Variants in SUDS3 observed in about 807,000 individuals in gnomAD.
The protein encoded by SUDS3 is sin3 histone deacetylase corepressor complex component SDS3.
Under a neutral mutation model 53.5 loss-of-function variants are expected in SUDS3, and 23 were observed. The observed-to-expected ratio is 0.43, with a 90% confidence interval of 0.31 to 0.61. SUDS3 has a LOEUF of 0.61. Ranked by LOEUF, SUDS3 falls within the 20% of genes least tolerant of loss-of-function variation. The pLI, the probability that SUDS3 is intolerant of heterozygous loss-of-function variation, is 0.10. For missense variants in SUDS3, 291 were observed against 405.9 expected, an observed-to-expected ratio of 0.72 and a Z score of 2.43; for synonymous variants, 150 against 148.5, an observed-to-expected ratio of 1.01 and a Z score of -0.08.
Position 118,383,991 on chromosome 12 carries a change from G to C in SUDS3, c.213-21G>C. 1.9e-6 allele frequency: 3 copies of C among 1,581,952 alleles called. No individual in the cohort carries two copies. The South Asian group carries it at 3.4e-5, about 18-fold the overall frequency. On this transcript the variant is annotated intron_variant, in intron 2 of 11. Coordinates refer to ENST00000543473, the MANE Select transcript of SUDS3 (RefSeq NM_022491.3). ...GTATTGAATGTTTTTATCTGTTAGT[G>C]TGACTTTTTTTTTTTTATAGGATGT...
At chr12:118,402,237 A>G (rs1566206456) in intron 9 of SUDS3, 1 of 558,192 alleles carries the variant, frequency 1.8e-6, no homozygotes, top group South Asian at 2.6e-5. Flanking sequence ...TTTATCATAA[A>G]AGAGACATTT....
chr12:118,384,723 C>T (rs2046098382), intron 3 of SUDS3, among the ~76,000 whole-genome samples: 1 of 152,096 alleles, frequency 6.6e-6, no homozygotes, highest in African/African-American at 2.4e-5. Flanking sequence ...GTCCCAGCTA[C>T]TCTGGAGGCT....
intron 3 of SUDS3, among the ~76,000 whole-genome samples, chr12:118,385,493 A>G (rs1439253629): frequency 6.6e-6 from 1 of 152,202 alleles, no homozygotes; most frequent in Non-Finnish European, 1.5e-5. Flanking sequence ...CATTATAATC[A>G]GGAAACACTT....
At chr12:118,397,363 G>A (rs372199569) in intron 6 of SUDS3, among the ~76,000 whole-genome samples, 4 of 152,146 alleles carry the variant, frequency 2.6e-5, no homozygotes, top group South Asian at 2.1e-4. Flanking sequence ...ATACCAGCTC[G>A]TTGCTTACAG....
chr12:118,390,120 G>A (rs2046152234), intron 5 of SUDS3, among the ~76,000 whole-genome samples, 174 bp downstream of exon 5: 2 of 152,158 alleles, frequency 1.3e-5, no homozygotes, highest in South Asian at 2.1e-4. Flanking sequence ...CTGGTCATTT[G>A]TTGTTGCGCA....
At chr12:118,402,225 G>T in intron 9 of SUDS3, 3 of 556,440 alleles carry the variant, frequency 5.4e-6, no homozygotes, top group Non-Finnish European at 6.3e-6. Context: ...TTTTTCTTAG[G>T]ATTTATCATA....
rs750191785 is a variant in SUDS3 at position 118,400,636 on chromosome 12, T to C, written c.518-23T>C. ...ACTTCAAGTGGGAGTTGGATAGATT[T>C]ACCCATTCCATTCTTGCCACAGATT... is the stretch of plus-strand genomic sequence containing the variant. On this transcript the variant is annotated intron_variant, in intron 6 of 11. Transcript: ENST00000543473. 7 of 1,610,066 alleles carry C rather than the reference T, an allele frequency of 4.3e-6. No individual in the cohort carries two copies. In the East Asian group the frequency reaches 1.1e-4, roughly 26 times the overall value.
Position 118,399,787 on chromosome 12 carries a change from C to A in SUDS3, c.518-872C>A, listed in dbSNP as rs569022092. ...CCCTGAGATACAGGAAAAGAAGCAA[C>A]CTTGGGAGAGGAAACGAGGAGAACT... is the stretch of plus-strand genomic sequence containing the variant. On this transcript the variant is annotated intron_variant, in intron 6 of 11. Coordinates refer to ENST00000543473, the MANE Select transcript of SUDS3 (RefSeq NM_022491.3). Among the ~76,000 whole-genome samples the A allele has an allele frequency of 1.6e-4, 25 of 151,824 alleles. No individual in the cohort carries two copies. In the South Asian group the frequency reaches 5.2e-3, roughly 31 times the overall value.
chr12:118,397,862 C>G (rs1340362020), intron 6 of SUDS3, among the ~76,000 whole-genome samples: 1 of 152,152 alleles, frequency 6.6e-6, no homozygotes, highest in African/African-American at 2.4e-5. Flanking sequence ...CCACCCTCCC[C>G]ACTCCCCAGT....
At chr12:118,400,422 C>T (rs947227388) in intron 6 of SUDS3, among the ~76,000 whole-genome samples, 3 of 152,066 alleles carry the variant, frequency 2.0e-5, no homozygotes, top group African/African-American at 4.8e-5. Context: ...TAATGCTTGA[C>T]GGTAGGGCTG....
chr12:118,404,881 C>G (rs1266222507), intron 10 of SUDS3, among the ~76,000 whole-genome samples: 1 of 152,188 alleles, frequency 6.6e-6, no homozygotes, highest in African/African-American at 2.4e-5. Flanking sequence ...TACCCGATAA[C>G]ATTGTACTTG....
chr12:118,391,020 G>A, intron 5 of SUDS3, 106 bp from the exon 6 acceptor site: 2 of 1,256,856 alleles, frequency 1.6e-6, no homozygotes, highest in Non-Finnish European at 2.3e-6. Flanking sequence ...TGTGTGTGAG[G>A]GGGAAACTCT....
At position 118,403,520 on chromosome 12, in the gene SUDS3, A is replaced by G; in HGVS notation, c.803+3A>G. On this transcript the variant is annotated splice_donor_region_variant and intron_variant, in intron 10 of 11. Transcript: ENST00000543473. ...AAACTGTACTATGACAAAAGATGGTATGTTATGGGAAAACCTGGACTAGTA... is the reference window on the plus strand; with the variant it reads ...AAACTGTACTATGACAAAAGATGGTGTGTTATGGGAAAACCTGGACTAGTA... The G allele has an allele frequency of 6.2e-7, 1 of 1,609,984 alleles. No individual in the cohort carries two copies. The highest frequency in any genetic ancestry group is 8.5e-7 in the Non-Finnish European group (1 of 1,177,882).
At position 118,402,245 on chromosome 12, in the gene SUDS3, TTTGATTGATTGA is replaced by T. The variant is rs911217395; in HGVS notation, c.697+248_697+259del. Reference sequence around the variant, plus strand: ...CTTAGGATTTATCATAAAAGAGACATTTGATTGATTGATTGATTTCCTTCTGTGTAGGCATCA... The same window carrying T: ...CTTAGGATTTATCATAAAAGAGACATTTGATTTCCTTCTGTGTAGGCATCA... On this transcript the variant is annotated intron_variant, in intron 9 of 11. Coordinates refer to ENST00000543473, the MANE Select transcript of SUDS3 (RefSeq NM_022491.3). 1.1e-5 allele frequency: 6 copies of T among 549,022 alleles called. No homozygotes were observed. The African/African-American group carries it at 1.1e-4, about 10-fold the overall frequency. 34.0% of individuals were successfully genotyped at this position (549,022 alleles called of 1,614,324 possible). A position where few individuals can be genotyped will look rare whatever the true frequency, so the allele number is the denominator to read the frequency against.
At chr12:118,380,352 A>G (rs1420812458) in intron 2 of SUDS3, 121 bp downstream of exon 2, 5 of 824,332 alleles carry the variant, frequency 6.1e-6, no homozygotes, top group Non-Finnish European at 9.4e-6. Context: ...GAGTGCCAGC[A>G]TGATGCTCAA....
chr12:118,398,606 G>A (rs970874756), intron 6 of SUDS3, among the ~76,000 whole-genome samples: 6 of 141,170 alleles, frequency 4.3e-5, no homozygotes, highest in Admixed American at 2.3e-4. Context: ...AGAGCAACAT[G>A]CAGAAGCCTT....
At chr12:118,408,387 G>A (rs988040181) in intron 10 of SUDS3, among the ~76,000 whole-genome samples, 4 of 150,586 alleles carry the variant, frequency 2.7e-5, no homozygotes, top group African/African-American at 9.8e-5. Flanking sequence ...AGGCTGGAGT[G>A]CAGTGGCATG....
At position 118,376,597 on chromosome 12, in the gene SUDS3, G is replaced by T. The variant is rs2045997289; in HGVS notation, c.-95G>T. 10 of 1,250,864 alleles carry T rather than the reference G, an allele frequency of 8.0e-6. No individual in the cohort carries two copies. 77.5% of individuals were successfully genotyped at this position (1,250,864 alleles called of 1,614,324 possible). Reference sequence around the variant, plus strand: ...CGCCGTGGCTGCCGGTCCTCGAGTTGGGGGCTGCCGCGGACACTGCTAGGC... The same window carrying T: ...CGCCGTGGCTGCCGGTCCTCGAGTTTGGGGCTGCCGCGGACACTGCTAGGC... On this transcript the variant is annotated 5_prime_UTR_variant, in exon 1 of 12. Coordinates refer to ENST00000543473, the MANE Select transcript of SUDS3 (RefSeq NM_022491.3).
At chr12:118,402,821 C>T (rs1317108321) in intron 9 of SUDS3, among the ~76,000 whole-genome samples, 2 of 150,584 alleles carry the variant, frequency 1.3e-5, no homozygotes, top group East Asian at 2.0e-4. Flanking sequence ...AGTGCAGTGG[C>T]GTGAACTCGG....
Sources: gnomAD v4.1 joint callset for allele counts (sites outside exome capture counted in the v4.1 genomes callset) on GRCh38, gnomAD v4.1.1 for gene constraint, MANE v1.5 for transcripts, NCBI Gene and HGNC (gene_info 2026-07-23, HGNC 2026-07-21) for gene names.